Variants in EPS15 observed in about 807,000 individuals in gnomAD.
EPS15 encodes epidermal growth factor receptor substrate 15.
EPS15 carries 72 observed loss-of-function variants against 113.8 expected under a neutral mutation model. That is an observed-to-expected ratio of 0.63 (90% CI 0.52 to 0.77). The LOEUF (loss-of-function observed/expected upper bound fraction) is 0.77, where lower values mean the gene tolerates loss of function less well. Ranked by LOEUF, EPS15 falls within the 30% of genes least tolerant of loss-of-function variation. The pLI, the probability that EPS15 is intolerant of heterozygous loss-of-function variation, is 0.00. For synonymous variants in EPS15, 344 were observed against 363.4 expected, an observed-to-expected ratio of 0.95 and a Z score of 0.61; for missense variants, 1,048 against 1,045.8, an observed-to-expected ratio of 1.00 and a Z score of -0.03.
intron 21 of EPS15, 140 bp from the exon 22 acceptor site, chr1:51,366,169 G>A: frequency 1.7e-6 from 1 of 576,722 alleles, no homozygotes; most frequent in East Asian, 3.0e-5. Context: ...CCAGGCTCAA[G>A]TGATCCTCCC....
At chr1:51,474,519 G>C (rs1399677293) in intron 2 of EPS15, among the ~76,000 whole-genome samples, 1 of 152,124 alleles carries the variant, frequency 6.6e-6, no homozygotes. Flanking sequence ...ACACAGGACT[G>C]AATGAACTGT....
At chr1:51,368,612 T>C (rs1366986008) in intron 21 of EPS15, among the ~76,000 whole-genome samples, 1 of 150,056 alleles carries the variant, frequency 6.7e-6, no homozygotes, top group African/African-American at 2.5e-5. Context: ...TTTTTTTTTT[T>C]TGGAGATGGA....
chr1:51,354,389 T>G lies in EPS15; in HGVS notation c.*2311A>C, dbSNP rs1254973250. 5.5e-6 allele frequency: 1 copy of G among 180,402 alleles called. No individual in the cohort carries two copies. The highest frequency in any genetic ancestry group is 1.2e-5 in the Non-Finnish European group (1 of 84,320). 11.2% of individuals were successfully genotyped at this position (180,402 alleles called of 1,614,324 possible). ...CAGCATGGACATAATCAGAGAACCA[T>G]GCAAAACTCAATTGCAAATTGGATA... On this transcript the variant is annotated 3_prime_UTR_variant, in exon 25 of 25. Transcript: ENST00000371733.
At chr1:51,368,809 G>A (rs1046976355) in intron 21 of EPS15, among the ~76,000 whole-genome samples, 2 of 151,998 alleles carry the variant, frequency 1.3e-5, no homozygotes, top group African/African-American at 4.8e-5. Context: ...CACTATGTTG[G>A]CCAGGCTGGT....
At chr1:51,432,670 G>A (rs116213981) in intron 12 of EPS15, among the ~76,000 whole-genome samples, 4,821 of 152,070 alleles carry the variant, frequency 0.032, 123 homozygotes, top group Non-Finnish European at 0.05. Flanking sequence ...TATTTCAAGT[G>A]CTCAATCACC....
Position 51,444,942 on chromosome 1 carries a change from G to A in EPS15, c.901C>T (p.His301Tyr). The A allele has an allele frequency of 6.2e-7, 1 of 1,614,010 alleles. No homozygotes were observed. Among genetic ancestry groups the A allele is most frequent in the African/African-American group, 1.3e-5 (1 of 75,046 alleles). Reference protein sequence around the residue: ...QKLIKGIDPPHVLTPEMIPPS... With the variant: ...QKLIKGIDPPYVLTPEMIPPS... ...GGAATCATTTCAGGAGTAAGAACGT[G>A]AGGAGGATCAATGCCCTTGATTAAC... The change falls in exon 11 of 25, where the codon CAC (histidine) becomes TAC (tyrosine). Residue 301 changes from histidine to tyrosine, a missense_variant. His to Tyr is a moderately conservative substitution (Grantham distance 83). Transcript: ENST00000371733.
In EPS15 at chr1:51,471,142, T is replaced by C. The variant is rs147249103; in HGVS notation, c.213+548A>G. 3.6e-4 allele frequency among the ~76,000 whole-genome samples: 55 copies of C among 152,296 alleles called. No homozygotes were observed. In the East Asian group the frequency reaches 9.5e-3, roughly 26 times the overall value. ...GGCACTCAGCAAACTTGGAATTCAA[T>C]CCTTATACAACTCTGAAATCCATCC... On this transcript the variant is annotated intron_variant, in intron 4 of 24. Coordinates refer to ENST00000371733, the MANE Select transcript of EPS15 (RefSeq NM_001981.3).
chr1:51,419,086 AAAAC>A (rs771892975), intron 13 of EPS15, among the ~76,000 whole-genome samples: 2 of 152,150 alleles, frequency 1.3e-5, no homozygotes, highest in Non-Finnish European at 2.9e-5. Flanking sequence ...CCCCTTATGA[AAAAC>A]AAAACAAAAA....
At chr1:51,464,965 A>C (rs1654740960) in intron 6 of EPS15, among the ~76,000 whole-genome samples, 2 of 152,246 alleles carry the variant, frequency 1.3e-5, no homozygotes, top group Admixed American at 1.3e-4. Context: ...AGAATTTTCA[A>C]GTAAGAGATA....
intron 1 of EPS15, among the ~76,000 whole-genome samples, chr1:51,500,720 C>G (rs999483097): frequency 2.6e-5 from 4 of 152,146 alleles, no homozygotes; most frequent in Non-Finnish European, 4.4e-5. Context: ...TGCAGTGGCT[C>G]ACGTCTGTAA....
chr1:51,427,970 T>C (rs1415944339), intron 12 of EPS15, among the ~76,000 whole-genome samples: 2 of 152,054 alleles, frequency 1.3e-5, no homozygotes, highest in Non-Finnish European at 2.9e-5. Flanking sequence ...ATCTTTAAAA[T>C]AGCAAGCAAG....
chr1:51,384,492 G>A (rs977526518), intron 21 of EPS15, among the ~76,000 whole-genome samples: 1 of 151,722 alleles, frequency 6.6e-6, no homozygotes, highest in Non-Finnish European at 1.5e-5. Flanking sequence ...TGTAGAGACA[G>A]AGTCTCACTA....
intron 5 of EPS15, among the ~76,000 whole-genome samples, chr1:51,468,017 G>A (rs56058422): frequency 0.014 from 2,175 of 152,048 alleles, 53 homozygotes; most frequent in African/African-American, 0.049. Context: ...GGAGAGCAAC[G>A]GTGTGATCAC....
At position 51,401,153 on chromosome 1, in the gene EPS15, C is replaced by G. The variant is rs542902495; in HGVS notation, c.1883-200G>C. ...TTACCTTGATCACAAGTTGAGGTTACGGATGGAGGGGAAGACATTACAGCA... is the reference window on the plus strand; with the variant it reads ...TTACCTTGATCACAAGTTGAGGTTAGGGATGGAGGGGAAGACATTACAGCA... On this transcript the variant is annotated intron_variant, in intron 18 of 24. Coordinates refer to ENST00000371733, the MANE Select transcript of EPS15 (RefSeq NM_001981.3). The G allele has an allele frequency of 4.5e-4, 189 of 421,702 alleles. 1 individual carries two copies. Among genetic ancestry groups the G allele is most frequent in the Non-Finnish European group, 4.3e-4 (101 of 234,536 alleles). The allele number at this position is 421,702 out of a possible 1,614,324, so 26.1% of individuals were successfully genotyped here. A position where few individuals can be genotyped will look rare whatever the true frequency, so the allele number is the denominator to read the frequency against.
intron 21 of EPS15, among the ~76,000 whole-genome samples, chr1:51,388,988 T>C (rs189417219): frequency 0.012 from 1,839 of 152,314 alleles, 151 homozygotes; most frequent in Admixed American, 0.11. Flanking sequence ...ATCATCCTGA[T>C]ACCAAAGCCA....
intron 21 of EPS15, among the ~76,000 whole-genome samples, chr1:51,374,252 A>C (rs1174767372): frequency 6.6e-6 from 1 of 152,184 alleles, no homozygotes; most frequent in Non-Finnish European, 1.5e-5. Flanking sequence ...TATTCCACAC[A>C]AAAAAATTTC....
chr1:51,467,207 A>C (rs1034946155), intron 5 of EPS15, among the ~76,000 whole-genome samples: 2 of 152,248 alleles, frequency 1.3e-5, no homozygotes, highest in Non-Finnish European at 2.9e-5. Context: ...AGAAACAGGC[A>C]CTCAAACAAT....
At chr1:51,422,017 G>A (rs1011525238) in intron 12 of EPS15, 159 bp from the exon 13 acceptor site, 3 of 1,295,424 alleles carry the variant, frequency 2.3e-6, no homozygotes, top group Admixed American at 6.9e-5. Flanking sequence ...AATTATTTAT[G>A]AAATAAAAAT....
intron 21 of EPS15, among the ~76,000 whole-genome samples, chr1:51,386,749 C>T (rs939418197): frequency 9.9e-5 from 15 of 152,030 alleles, no homozygotes; most frequent in African/African-American, 3.4e-4. Flanking sequence ...TGAAATGAAG[C>T]AAGAAGGGAA....
Sources: allele counts gnomAD v4.1 joint callset (sites outside exome capture counted in the v4.1 genomes callset), GRCh38; gene constraint gnomAD v4.1.1; transcripts MANE v1.5; gene names NCBI Gene and HGNC (gene_info 2026-07-23, HGNC 2026-07-21).